Variants in PCF11 observed in about 807,000 individuals in gnomAD.
The protein encoded by PCF11 is pre-mRNA cleavage complex 2 protein Pcf11.
Under a neutral mutation model 166.1 loss-of-function variants are expected in PCF11, and 19 were observed. The ratio of observed to expected loss-of-function variants is 0.11; its 90% CI spans 0.08 to 0.17. The LOEUF (loss-of-function observed/expected upper bound fraction) is 0.17. PCF11 is among the 10% of genes least tolerant of loss of function. The pLI is 1.00. For synonymous variants in PCF11, 663 were observed against 644.1 expected (o/e 1.03, Z -0.44); for missense variants, 1,565 against 1,855.5 (o/e 0.84, Z 2.88).
chr11:83,174,854 A>T (rs1860819134), intron 9 of PCF11, among the ~76,000 whole-genome samples: 1 of 152,254 alleles, frequency 6.6e-6, no homozygotes, highest in African/African-American at 2.4e-5. Context: ...AGCTAATTTA[A>T]AGGAAAGTAA....
Position 83,167,677 on chromosome 11 carries a change from T to C in PCF11, c.2092+172T>C. 6.6e-7 allele frequency: 1 copy of C among 1,521,522 alleles called. No individual in the cohort carries two copies. The allele number at this position is 1,521,522 out of a possible 1,614,324, so 94.3% of individuals were successfully genotyped here. The stretch of plus-strand genomic sequence containing the variant: ...AGACTTGATCTCTTAGATCCTGATA[T>C]TTTTGACTACCCTTTGACTGATGCC... On this transcript the variant is annotated intron_variant, in intron 7 of 15. Transcript: ENST00000298281. The surrounding 1 kb of genome is among the most constrained non-coding windows in gnomAD (Gnocchi z 4.2).
chr11:83,169,748 C>T, exon 8 of PCF11: 1 of 1,613,878 alleles, frequency 6.2e-7, no homozygotes, highest in Non-Finnish European at 8.5e-7. Context: ...TATAATGATC[C>T]ACCTGGCAAT....
chr11:83,185,956 C>CTGAGT (rs572813154), exon 16 of PCF11: 2 of 152,410 alleles, frequency 1.3e-5, no homozygotes, highest in African/African-American at 4.8e-5. Flanking sequence ...ATATAAAACA[C>CTGAGT]TGAGTTTTAT....
intron 9 of PCF11, among the ~76,000 whole-genome samples, 174 bp downstream of exon 9, chr11:83,172,088 G>C (rs538692803): frequency 6.6e-6 from 1 of 152,296 alleles, no homozygotes; most frequent in African/African-American, 2.4e-5. Flanking sequence ...CATTGTGGAT[G>C]TGTATTCATA....
chr11:83,163,948 G>A, intron 3 of PCF11, 81 bp downstream of exon 3: 1 of 637,602 alleles, frequency 1.6e-6, no homozygotes, highest in Non-Finnish European at 2.5e-6. Flanking sequence ...CTGCCAGAAA[G>A]TCAAAATAGA....
In PCF11 at chr11:83,168,299, G is replaced by A. The variant is rs72952649; in HGVS notation, c.2093-129G>A. ...TCTAGAGGGCATCCTCTTATCTGCT[G>A]CTTTACGCTGTCGGTCTCTCCTGCC... is the stretch of plus-strand genomic sequence containing the variant. On this transcript the variant is annotated intron_variant, in intron 7 of 15. Coordinates refer to ENST00000298281, the Ensembl canonical transcript of PCF11. 7,237 of 869,958 alleles carry A rather than the reference G, an allele frequency of 8.3e-3. 44 individuals carry two copies. Among genetic ancestry groups the A allele is most frequent in the Non-Finnish European group, 0.011 (6,249 of 585,778 alleles). The allele number at this position is 869,958 out of a possible 1,614,324, so 53.9% of individuals were successfully genotyped here. A position where few individuals can be genotyped will look rare whatever the true frequency, so the allele number is the denominator to read the frequency against.
At chr11:83,160,919 A>G (rs1860223927) in intron 1 of PCF11, among the ~76,000 whole-genome samples, 1 of 152,252 alleles carries the variant, frequency 6.6e-6, no homozygotes, top group Admixed American at 6.5e-5. Flanking sequence ...AGTTTCTACA[A>G]GAGGTCTAAA....
At chr11:83,165,912 A>G (rs762320019) in exon 5 of PCF11, 2 of 1,608,256 alleles carry the variant, frequency 1.2e-6, no homozygotes, top group Non-Finnish European at 1.7e-6. Flanking sequence ...TGAAAAACTA[A>G]ATTCATCCAA....
intron 2 of PCF11, among the ~76,000 whole-genome samples, chr11:83,161,770 G>A (rs144173705): frequency 3.9e-4 from 59 of 152,208 alleles, no homozygotes; most frequent in African/African-American, 1.3e-3. Flanking sequence ...ATCTGAAATC[G>A]TCAAGAGTAA....
At chr11:83,178,645 C>G (rs1489509476) in intron 11 of PCF11, among the ~76,000 whole-genome samples, 1 of 151,834 alleles carries the variant, frequency 6.6e-6, no homozygotes, top group Non-Finnish European at 1.5e-5. Flanking sequence ...AACCCCGTCT[C>G]TACTAAAAAT....
exon 16 of PCF11, chr11:83,185,134 T>C (rs1861236918): frequency 5.4e-6 from 2 of 370,386 alleles, no homozygotes; most frequent in Non-Finnish European, 9.5e-6. Flanking sequence ...CGAAATGAAA[T>C]TGTATGTGTA....
exon 9 of PCF11, chr11:83,171,841 A>G: frequency 6.3e-7 from 1 of 1,599,420 alleles, no homozygotes; most frequent in Non-Finnish European, 8.6e-7. Flanking sequence ...TTGCTCAGCC[A>G]GTAGCTTTTG....
intron 9 of PCF11, among the ~76,000 whole-genome samples, chr11:83,173,804 A>C (rs574481013): frequency 7.5e-6 from 1 of 133,124 alleles, no homozygotes; most frequent in South Asian, 2.3e-4. Context: ...ATCTCAGCTC[A>C]CTGCAACCTC....
exon 5 of PCF11, chr11:83,165,614 T>C (rs1565152602): frequency 9.9e-6 from 16 of 1,608,826 alleles, no homozygotes; most frequent in Non-Finnish European, 1.4e-5. Context: ...TTTCTCTTAG[T>C]GTTCAGCAGG....
intron 11 of PCF11, chr11:83,180,701 A>G (rs7123661): frequency 0.2 from 36,543 of 180,638 alleles, 7,776 homozygotes; most frequent in African/African-American, 0.57. Flanking sequence ...CTCCAAACTA[A>G]AATAAGCTAA....
At chr11:83,176,698 T>C (rs1157330763) in intron 9 of PCF11, among the ~76,000 whole-genome samples, 1 of 144,568 alleles carries the variant, frequency 6.9e-6, no homozygotes, top group Non-Finnish European at 1.5e-5. Flanking sequence ...GGGTGGGGGG[T>C]CTGGGGGAGG....
chr11:83,186,297 T>A (rs967511730), exon 16 of PCF11: 3 of 152,250 alleles, frequency 2.0e-5, no homozygotes, highest in Non-Finnish European at 4.4e-5. Context: ...GGGAAGGGTA[T>A]CTTTGGAAAA....
intron 8 of PCF11, among the ~76,000 whole-genome samples, chr11:83,171,547 T>C (rs1860691567): frequency 6.6e-6 from 1 of 152,248 alleles, no homozygotes; most frequent in South Asian, 2.1e-4. Flanking sequence ...GGGGGGCTAC[T>C]TTGCCTCTCT....
At chr11:83,169,088 A>G in exon 8 of PCF11, 1 of 1,613,314 alleles carries the variant, frequency 6.2e-7, no homozygotes, top group Non-Finnish European at 8.5e-7. Flanking sequence ...CTTAGATTTG[A>G]GGGGGGTCAT....
Sources: gnomAD v4.1 joint callset for allele counts (sites outside exome capture counted in the v4.1 genomes callset) on GRCh38, gnomAD v4.1.1 for gene constraint, Gnocchi (gnomAD v3.1) non-coding constraint, MANE v1.5 for transcripts, NCBI Gene and HGNC (gene_info 2026-07-23, HGNC 2026-07-21) for gene names.